The following IPO7 variants were observed in gnomAD, a reference collection of about 807,000 sequenced individuals.
IPO7 encodes importin-7.
In IPO7, 13 loss-of-function variants were observed where a neutral mutation model predicts 136.4. The ratio of observed to expected loss-of-function variants is 0.10; its 90% CI spans 0.06 to 0.15. The LOEUF is 0.15. Ranked by LOEUF, IPO7 falls within the 10% of genes least tolerant of loss-of-function variation. The pLI is 1.00. For synonymous variants in IPO7, 403 were observed against 404.4 expected, an observed-to-expected ratio of 1.00 and a Z score of 0.04; for missense variants, 857 against 1,240.6, an observed-to-expected ratio of 0.69 and a Z score of 4.65.
At position 9,429,799 on chromosome 11, in the gene IPO7, G is replaced by A; in HGVS notation, c.1717G>A (p.Val573Ile). 6.3e-7 allele frequency: 1 copy of A among 1,599,584 alleles called. No homozygotes were observed. The highest frequency in any genetic ancestry group is 8.5e-7 in the Non-Finnish European group (1 of 1,174,896). Residue 573 changes from valine to isoleucine, a missense_variant, in exon 15 of 25, where the codon GTT becomes ATT. Around this residue, in one of 11 missense-constraint regions of IPO7, gnomAD observed 58 missense variants for 122.1 expected, o/e 0.47. Transcript: ENST00000379719. ...QKMICEYSEE[V>I]TPIAVEMTQH... is the part of the protein sequence containing the mutation. Reference sequence around the variant, plus strand: ...AATGATCTGTGAATATAGTGAAGAAGTTACTCCTATTGCAGTAGAAATGAC... The same window carrying A: ...AATGATCTGTGAATATAGTGAAGAAATTACTCCTATTGCAGTAGAAATGAC...
intron 1 of IPO7, among the ~76,000 whole-genome samples, chr11:9,386,990 ACTT>A (rs1489874760): frequency 6.6e-6 from 1 of 152,136 alleles, no homozygotes; most frequent in African/African-American, 2.4e-5. Flanking sequence ...TTAATACACT[ACTT>A]CTCCCTCTCC....
chr11:9,411,026 T>C (rs981844903), intron 4 of IPO7, among the ~76,000 whole-genome samples: 3 of 152,224 alleles, frequency 2.0e-5, no homozygotes, highest in Non-Finnish European at 4.4e-5. Flanking sequence ...TGGTGTTTTC[T>C]TGTGTTCCCA....
chr11:9,388,563 C>G lies in IPO7; in HGVS notation c.84+3716C>G, dbSNP rs1406628371. Among the ~76,000 whole-genome samples, 4 of 151,554 alleles carry G rather than the reference C, an allele frequency of 2.6e-5. No homozygotes were observed. The East Asian group carries it at 7.7e-4, about 29-fold the overall frequency. On this transcript the variant is annotated intron_variant, in intron 1 of 24. Transcript: ENST00000379719. ...GCACCATCATGGCTCACTGCAGCCT[C>G]TCCCTCTCGGGCTCAAGCAACACTC...
intron 4 of IPO7, among the ~76,000 whole-genome samples, chr11:9,410,756 G>GT (rs1235178245): frequency 6.6e-6 from 1 of 152,174 alleles, no homozygotes; most frequent in Non-Finnish European, 1.5e-5. Flanking sequence ...TGTTGAAGGA[G>GT]TTTTTTAAGT....
At position 9,437,688 on chromosome 11, in the gene IPO7, A is replaced by G. The variant is rs958864358; in HGVS notation, c.2269-66A>G. On this transcript the variant is annotated intron_variant, in intron 20 of 24. Coordinates refer to ENST00000379719, the MANE Select transcript of IPO7 (RefSeq NM_006391.3). ...GTTAATTGAGGCAACAAAGAAGTTA[A>G]TATTTTTAGAATGTTTGCATGCTAT... 3 of 1,189,180 alleles carry G rather than the reference A, an allele frequency of 2.5e-6. No homozygotes were observed. In the African/African-American group the frequency reaches 4.6e-5, roughly 18 times the overall value. The allele number at this position is 1,189,180 out of a possible 1,614,324, so 73.7% of individuals were successfully genotyped here.
chr11:9,401,445 C>A (rs1227352749), intron 1 of IPO7, among the ~76,000 whole-genome samples: 1 of 151,780 alleles, frequency 6.6e-6, no homozygotes, highest in Non-Finnish European at 1.5e-5. Context: ...GTGATCCCAG[C>A]ACTTTAGGAG....
intron 24 of IPO7, among the ~76,000 whole-genome samples, chr11:9,444,000 C>T (rs557980578): frequency 1.8e-4 from 27 of 152,092 alleles, no homozygotes; most frequent in African/African-American, 5.5e-4. Context: ...TTAAGCCAGG[C>T]GCGGTGGCTC....
chr11:9,396,697 T>G (rs1854713911), intron 1 of IPO7, among the ~76,000 whole-genome samples: 1 of 152,246 alleles, frequency 6.6e-6, no homozygotes, highest in Admixed American at 6.5e-5. Context: ...TGTGACTGGC[T>G]TCTTTCATAC....
intron 2 of IPO7, among the ~76,000 whole-genome samples, chr11:9,405,803 A>G (rs1376693268): frequency 3.3e-5 from 5 of 152,138 alleles, no homozygotes; most frequent in Non-Finnish European, 7.4e-5. Flanking sequence ...AAATATTTCT[A>G]ATTTAATAGA....
chr11:9,389,269 G>A (rs756999843), intron 1 of IPO7, among the ~76,000 whole-genome samples: 2 of 152,090 alleles, frequency 1.3e-5, no homozygotes, highest in East Asian at 3.9e-4. Flanking sequence ...GGCTGGTCTC[G>A]AACTCCTGAC....
chr11:9,426,797 A>T lies in IPO7; in HGVS notation c.1335+1535A>T, dbSNP rs189907535. Among the ~76,000 whole-genome samples, 192 of 152,064 alleles carry T rather than the reference A, an allele frequency of 1.3e-3. 1 individual carries two copies. Among genetic ancestry groups the T allele is most frequent in the Non-Finnish European group, 4.4e-5 (3 of 67,956 alleles). On this transcript the variant is annotated intron_variant, in intron 12 of 24. Coordinates refer to ENST00000379719, the MANE Select transcript of IPO7 (RefSeq NM_006391.3). ...TTTTGAGATGGAGTCTTGCTCTGTCACCCAGGCTGGAGTGCAGTGGTGAGA... is the reference window on the plus strand; with the variant it reads ...TTTTGAGATGGAGTCTTGCTCTGTCTCCCAGGCTGGAGTGCAGTGGTGAGA...
chr11:9,436,925 G>A (rs1269016983), intron 20 of IPO7, among the ~76,000 whole-genome samples: 1 of 122,192 alleles, frequency 8.2e-6, no homozygotes, highest in African/African-American at 3.2e-5. Flanking sequence ...TCGCCCTGTC[G>A]CCTAGGCTGG....
chr11:9,394,571 T>C (rs148802748), intron 1 of IPO7, among the ~76,000 whole-genome samples: 23 of 152,340 alleles, frequency 1.5e-4, no homozygotes, highest in East Asian at 7.7e-4. Flanking sequence ...AATCTGATCA[T>C]GTATAACCCT....
At chr11:9,419,592 T>C (rs1855098585) in intron 6 of IPO7, among the ~76,000 whole-genome samples, 2 of 142,624 alleles carry the variant, frequency 1.4e-5, no homozygotes, top group Non-Finnish European at 3.0e-5. Flanking sequence ...ATATATGTTA[T>C]GGATGTCTTA....
At chr11:9,422,947 T>G in intron 8 of IPO7, 59 bp from the exon 9 acceptor site, 1 of 1,113,060 alleles carries the variant, frequency 9.0e-7, no homozygotes, top group South Asian at 1.9e-5. Context: ...TTTACTGGCT[T>G]GTAAGTGGTT....
chr11:9,428,645 G>T lies in IPO7; in HGVS notation c.1425+16G>T. 7 of 1,343,756 alleles carry T rather than the reference G, an allele frequency of 5.2e-6. No homozygotes were observed. Among genetic ancestry groups the T allele is most frequent in the Non-Finnish European group, 7.4e-6 (7 of 940,744 alleles). 83.2% of individuals were successfully genotyped at this position (1,343,756 alleles called of 1,614,324 possible). A position where few individuals can be genotyped will look rare whatever the true frequency, so the allele number is the denominator to read the frequency against. The stretch of plus-strand genomic sequence containing the variant: ...GAGAGCAAGGGTATGTTTTAAAGCT[G>T]CATTATTTATATACTTTTGTCTTGT... On this transcript the variant is annotated intron_variant, in intron 13 of 24. Transcript: ENST00000379719.
chr11:9,410,193 T>C (rs1411447565), intron 4 of IPO7, 107 bp downstream of exon 4: 1 of 672,336 alleles, frequency 1.5e-6, no homozygotes, highest in African/African-American at 1.9e-5. Flanking sequence ...ATAATAAAAT[T>C]AGTGAATTAT....
chr11:9,384,654 T>C lies in IPO7; in HGVS notation c.-110T>C, dbSNP rs1854522751. On this transcript the variant is annotated 5_prime_UTR_variant, in exon 1 of 25. Coordinates refer to ENST00000379719, the MANE Select transcript of IPO7 (RefSeq NM_006391.3). ...CCGGGGCCTTGGCGCTTCTCTTTCC[T>C]TTCGCGCCGGTTGCCGCTGCGGAGC... 2 of 918,092 alleles carry C rather than the reference T, an allele frequency of 2.2e-6. No homozygotes were observed. The highest frequency in any genetic ancestry group is 3.0e-4 in the Middle Eastern group (1 of 3,358). The allele number at this position is 918,092 out of a possible 1,614,324, so 56.9% of individuals were successfully genotyped here. A position where few individuals can be genotyped will look rare whatever the true frequency, so the allele number is the denominator to read the frequency against.
In IPO7 at chr11:9,446,053, T is replaced by C. The variant is rs1855522568; in HGVS notation, c.*859T>C. The C allele has an allele frequency of 6.6e-6, 1 of 152,196 alleles. No homozygotes were observed. Among genetic ancestry groups the C allele is most frequent in the Non-Finnish European group, 1.5e-5 (1 of 68,032 alleles). 9.4% of individuals were successfully genotyped at this position (152,196 alleles called of 1,614,324 possible). ...AACTCCCTCTGTGTCCTGTTTTTCT[T>C]AAAGCTGTCAGTGTACAAGTGGGTA... On this transcript the variant is annotated 3_prime_UTR_variant, in exon 25 of 25. Coordinates refer to ENST00000379719, the MANE Select transcript of IPO7 (RefSeq NM_006391.3).
Sources: allele counts gnomAD v4.1 joint callset (sites outside exome capture counted in the v4.1 genomes callset), GRCh38; gene constraint gnomAD v4.1.1; regional missense constraint gnomAD v4.1.1; transcripts MANE v1.5; gene names NCBI Gene and HGNC (gene_info 2026-07-23, HGNC 2026-07-21).